SLC3A2: variants seen among roughly 807,000 people sequenced by gnomAD.
SLC3A2 encodes amino acid transporter heavy chain SLC3A2.
Under a neutral mutation model 48.5 loss-of-function variants are expected in SLC3A2, and 32 were observed. That is an observed-to-expected ratio of 0.66 (90% confidence interval 0.50 to 0.89). SLC3A2 has a LOEUF of 0.89. Among genes scored for constraint, SLC3A2 ranks in the 40% least tolerant of loss-of-function variants. The pLI is 0.00. For missense variants in SLC3A2, 587 were observed against 680.7 expected, an observed-to-expected ratio of 0.86 and a Z score of 1.53; for synonymous variants, 277 against 288.8, an observed-to-expected ratio of 0.96 and a Z score of 0.41.
chr11:62,856,186 A>G, exon 1 of SLC3A2: 1 of 1,076,126 alleles, frequency 9.3e-7, no homozygotes, highest in Non-Finnish European at 1.3e-6. Flanking sequence ...TCCTGGACTG[A>G]CGGTCACGAC....
At chr11:62,884,396 G>C in intron 3 of SLC3A2, 61 bp from the exon 4 acceptor site, 4 of 1,592,226 alleles carry the variant, frequency 2.5e-6, no homozygotes, top group Non-Finnish European at 3.4e-6. Context: ...GTGTGGGCTG[G>C]AATTTTCTGA....
chr11:62,881,952 C>T lies in SLC3A2; in HGVS notation c.484C>T (p.Pro162Ser), dbSNP rs2085646551. Reference protein sequence around the residue: ...SLKVKGLVLGPIHKNQKDDVA... With the variant: ...SLKVKGLVLGSIHKNQKDDVA... ...GAAGGTGAAGGGCCTTGTGCTGGGT[C>T]CAATTCACAAGAACCAGAAGGATGA... is the stretch of plus-strand genomic sequence containing the variant. Residue 162 changes from proline (P) to serine (S), a missense_variant, in exon 2 of 9, where the codon CCA becomes TCA. By Grantham distance (74) the Pro-to-Ser change is moderately conservative. Transcript: ENST00000338663. This position sits in a 1 kb window ranked among gnomAD's most constrained non-coding sequence, Gnocchi z 4.0. 6.2e-7 allele frequency: 1 copy of T among 1,614,012 alleles called. No homozygotes were observed. The highest frequency in any genetic ancestry group is 8.5e-7 in the Non-Finnish European group (1 of 1,180,040).
chr11:62,874,682 T>G (rs995589382), intron 1 of SLC3A2, among the ~76,000 whole-genome samples: 1 of 152,196 alleles, frequency 6.6e-6, no homozygotes, highest in Non-Finnish European at 1.5e-5. Context: ...AGTGAACTGC[T>G]TTAGTTGGAG....
At chr11:62,856,225 G>T (rs762403605) in exon 1 of SLC3A2, 2 of 1,505,352 alleles carry the variant, frequency 1.3e-6, no homozygotes, top group African/African-American at 2.7e-5. Flanking sequence ...GTTCTGAGCT[G>T]CCCCTTGCCC....
Position 62,881,332 on chromosome 11 carries a change from C to G in SLC3A2, c.309C>G (p.Ile103Met), listed in dbSNP as rs1310667815. Residue 103 changes from isoleucine to methionine, a missense_variant, in exon 1 of 9, where the codon ATC becomes ATG. Transcript: ENST00000338663. This position sits in a 1 kb window ranked among gnomAD's most constrained non-coding sequence, Gnocchi z 4.0. ...TGCTTGCTGGTGCCGTGGTCATAAT[C>G]GTGCGAGCGCCGCGTTGTCGCGAGC... ...LGMLAGAVVI[I>M]VRAPRCRELP... 4 of 1,585,916 alleles carry G rather than the reference C, an allele frequency of 2.5e-6. No individual in the cohort carries two copies. In the Admixed American group the frequency reaches 5.4e-5, roughly 21 times the overall value.
At chr11:62,875,707 C>T (rs961771491) in intron 1 of SLC3A2, among the ~76,000 whole-genome samples, 9 of 152,182 alleles carry the variant, frequency 5.9e-5, no homozygotes, top group African/African-American at 1.9e-4. Context: ...GCTGGGATTA[C>T]AGGCAGCCAC....
chr11:62,874,721 G>A (rs913013623), intron 1 of SLC3A2, among the ~76,000 whole-genome samples: 9 of 151,604 alleles, frequency 5.9e-5, no homozygotes, highest in African/African-American at 2.2e-4. Flanking sequence ...TTTCAGCCAC[G>A]CTTTGACTTC....
chr11:62,877,699 G>C (rs946882149), upstream of SLC3A2, among the ~76,000 whole-genome samples: 4 of 152,240 alleles, frequency 2.6e-5, no homozygotes, highest in African/African-American at 9.6e-5. Context: ...AACAGCAGAG[G>C]TATGGCATGT....
upstream of SLC3A2, among the ~76,000 whole-genome samples, chr11:62,879,104 A>G (rs147598455): frequency 7.9e-3 from 1,169 of 148,546 alleles, 10 homozygotes; most frequent in African/African-American, 0.028. Context: ...GTCTTGCTCT[A>G]TCACCCAGAC....
At chr11:62,876,831 A>G, upstream of SLC3A2, 2 of 760,782 alleles carry the variant, frequency 2.6e-6, no homozygotes, top group Non-Finnish European at 3.5e-6. Flanking sequence ...TGAATTCCTG[A>G]CCTCAATTGA....
chr11:62,874,660 T>C (rs1314808119), intron 1 of SLC3A2, among the ~76,000 whole-genome samples: 1 of 152,214 alleles, frequency 6.6e-6, no homozygotes, highest in African/African-American at 2.4e-5. Context: ...GTTCTTCAGA[T>C]AGTAGCTGCG....
intron 1 of SLC3A2, among the ~76,000 whole-genome samples, chr11:62,867,617 C>T (rs2085467525): frequency 6.6e-6 from 1 of 152,032 alleles, no homozygotes; most frequent in South Asian, 2.1e-4. Context: ...AGCCACCGTG[C>T]CCGGCTGCTT....
upstream of SLC3A2, among the ~76,000 whole-genome samples, chr11:62,877,653 G>A (rs1052987694): frequency 6.6e-6 from 1 of 152,204 alleles, no homozygotes; most frequent in African/African-American, 2.4e-5. Flanking sequence ...GAATGAATAG[G>A]AACTCATGAG....
chr11:62,884,797 T>C lies in SLC3A2; in HGVS notation c.818+107T>C, dbSNP rs1353825185. On this transcript the variant is annotated intron_variant, in intron 5 of 8. Transcript: ENST00000338663. ...CCTAGTCTAGAGCATTTTCTTTACC[T>C]TTATTCTTTCTTTAGCTTTTTTTTT... 4.3e-6 allele frequency: 3 copies of C among 701,814 alleles called. No homozygotes were observed. In the African/African-American group the frequency reaches 5.7e-5, roughly 13 times the overall value. The allele number at this position is 701,814 out of a possible 1,614,324, so 43.5% of individuals were successfully genotyped here.
rs775937542 is a variant in SLC3A2 at position 62,882,068 on chromosome 11, TGGGTATCC to T, written c.598+3_598+10del. The T allele has an allele frequency of 6.2e-7, 1 of 1,613,484 alleles. No individual in the cohort carries two copies. Among genetic ancestry groups the T allele is most frequent in the Non-Finnish European group, 8.5e-7 (1 of 1,179,900 alleles). ...TCTTGCAATCGGCTAAAAAAAAGAG[TGGGTATCC>T]TGGGGTTCCCAAGGAAACAGCTAGA... is the stretch of plus-strand genomic sequence containing the variant. On this transcript the variant is annotated splice_donor_5th_base_variant and intron_variant, in intron 2 of 8. Transcript: ENST00000338663.
rs373680095 is a variant in SLC3A2, at chr11:62,881,575, C to T, written c.424+128C>T. ...CATCCCGTACCGACGACTGTTCCCC[C>T]TTCCCCCACCCCCTCCCCGGCACAT... On this transcript the variant is annotated intron_variant, in intron 1 of 8. Coordinates refer to ENST00000338663, the MANE Select transcript of SLC3A2 (RefSeq NM_001013251.3). This position sits in a 1 kb window ranked among gnomAD's most constrained non-coding sequence, Gnocchi z 4.0. 3 of 1,259,102 alleles carry T rather than the reference C, an allele frequency of 2.4e-6. No individual in the cohort carries two copies. Among genetic ancestry groups the T allele is most frequent in the Non-Finnish European group, 3.2e-6 (3 of 937,912 alleles). 78.0% of individuals were successfully genotyped at this position (1,259,102 alleles called of 1,614,324 possible).
chr11:62,882,568 T>A (rs2085656689), intron 2 of SLC3A2: 1 of 295,240 alleles, frequency 3.4e-6, no homozygotes, highest in Non-Finnish European at 6.7e-6. Flanking sequence ...TACTGCAGCC[T>A]CCTCCCCCAG....
At chr11:62,869,385 G>A (rs989639411) in intron 1 of SLC3A2, among the ~76,000 whole-genome samples, 22 of 151,540 alleles carry the variant, frequency 1.5e-4, no homozygotes, top group South Asian at 8.4e-4. Context: ...TTAGCCAGGC[G>A]TGGTGGCGGG....
At chr11:62,867,834 C>T (rs2085469772) in intron 1 of SLC3A2, among the ~76,000 whole-genome samples, 1 of 151,608 alleles carries the variant, frequency 6.6e-6, no homozygotes, top group African/African-American at 2.4e-5. Context: ...CTTTTATGTC[C>T]TGGTTCTTTC....
Sources: gnomAD v4.1 joint callset for allele counts (sites outside exome capture counted in the v4.1 genomes callset) on GRCh38, gnomAD v4.1.1 for gene constraint, Gnocchi (gnomAD v3.1) non-coding constraint, MANE v1.5 for transcripts, NCBI Gene and HGNC (gene_info 2026-07-23, HGNC 2026-07-21) for gene names.